STIM2: variants seen among roughly 807,000 people sequenced by gnomAD.
STIM2 encodes the protein stromal interaction molecule 2.
A neutral mutation model predicts 85.8 loss-of-function variants in STIM2; 31 were observed. That is an observed-to-expected ratio of 0.36 (90% CI 0.27 to 0.49). STIM2 has a LOEUF of 0.49. Ranked by LOEUF, STIM2 falls within the 20% of genes least tolerant of loss-of-function variation. The pLI is 0.98. For missense variants in STIM2, 841 were observed against 927.6 expected (o/e 0.91, Z 1.21); for synonymous variants, 356 against 331.1 (o/e 1.08, Z -0.82).
chr4:26,930,068 G>C (rs1725148297), intron 2 of STIM2, among the ~76,000 whole-genome samples: 1 of 152,176 alleles, frequency 6.6e-6, no homozygotes, highest in South Asian at 2.1e-4. Flanking sequence ...AGCTTTTGCT[G>C]TCTAGGTCAT....
chr4:26,939,537 A>G (rs1725521119), intron 2 of STIM2, among the ~76,000 whole-genome samples: 1 of 152,214 alleles, frequency 6.6e-6, no homozygotes, highest in South Asian at 2.1e-4. Flanking sequence ...AATGTTACAA[A>G]CAATTGATAA....
Position 26,861,344 on chromosome 4 carries a change from C to A in STIM2, c.126C>A (p.Ala42=). Residue 42 remains alanine, a synonymous_variant, in exon 1 of 12, where the codon GCC becomes GCA. Coordinates refer to ENST00000467087, the MANE Select transcript of STIM2 (RefSeq NM_020860.4). Reference sequence around the variant, plus strand: ...CCGCCTCCTCTCCCGCCGCGGCGGCCGGCGATAGCCCGGCGCTCATGACAG... The same window carrying A: ...CCGCCTCCTCTCCCGCCGCGGCGGCAGGCGATAGCCCGGCGCTCATGACAG... 1 of 1,372,368 alleles carries A rather than the reference C, an allele frequency of 7.3e-7. No homozygotes were observed. The highest frequency in any genetic ancestry group is 9.4e-7 in the Non-Finnish European group (1 of 1,068,602). 85.0% of individuals were successfully genotyped at this position (1,372,368 alleles called of 1,614,324 possible). A position where few individuals can be genotyped will look rare whatever the true frequency, so the allele number is the denominator to read the frequency against.
At chr4:26,985,722 G>C (rs1445349819) in intron 3 of STIM2, among the ~76,000 whole-genome samples, 1 of 152,048 alleles carries the variant, frequency 6.6e-6, no homozygotes, top group African/African-American at 2.4e-5. Flanking sequence ...CCTGTCTCAG[G>C]ATATCAGAAG....
At chr4:26,989,355 C>A (rs554224327) in intron 3 of STIM2, among the ~76,000 whole-genome samples, 32 of 152,292 alleles carry the variant, frequency 2.1e-4, no homozygotes, top group African/African-American at 7.0e-4. Flanking sequence ...GAATCAAGGT[C>A]AAAAACTATA....
intron 2 of STIM2, among the ~76,000 whole-genome samples, chr4:26,951,151 C>T (rs1445816308): frequency 6.6e-6 from 1 of 151,916 alleles, no homozygotes; most frequent in Non-Finnish European, 1.5e-5. Context: ...AATTTTTATT[C>T]ATAATATTGC....
intron 2 of STIM2, among the ~76,000 whole-genome samples, chr4:26,920,811 G>A (rs1344400207): frequency 2.0e-5 from 3 of 152,036 alleles, no homozygotes; most frequent in African/African-American, 4.8e-5. Flanking sequence ...TTTAAATTTA[G>A]TATGTGTAAA....
At chr4:26,962,060 A>C (rs1308294825) in intron 3 of STIM2, among the ~76,000 whole-genome samples, 1 of 152,120 alleles carries the variant, frequency 6.6e-6, no homozygotes, top group African/African-American at 2.4e-5. Flanking sequence ...CTCCTTCTTT[A>C]GTTACCTGAA....
chr4:26,868,918 A>G (rs1722504305), intron 1 of STIM2, among the ~76,000 whole-genome samples: 1 of 152,192 alleles, frequency 6.6e-6, no homozygotes, highest in Non-Finnish European at 1.5e-5. Flanking sequence ...CCACATTAAG[A>G]AAGAAAAGCT....
chr4:27,019,681 G>T, intron 11 of STIM2: 3 of 318,706 alleles, frequency 9.4e-6, no homozygotes, highest in Non-Finnish European at 1.2e-5. Flanking sequence ...AATATTTACT[G>T]ATTTTTTTTT....
chr4:26,904,381 A>G (rs1443850898), intron 1 of STIM2, among the ~76,000 whole-genome samples: 1 of 152,170 alleles, frequency 6.6e-6, no homozygotes, highest in Non-Finnish European at 1.5e-5. Context: ...AATGAACATA[A>G]TTATCATTCC....
intron 1 of STIM2, among the ~76,000 whole-genome samples, chr4:26,879,006 G>A (rs1336689748): frequency 1.3e-5 from 2 of 152,288 alleles, no homozygotes; most frequent in East Asian, 1.9e-4. Context: ...GGGACACAGA[G>A]CCAAACCTTA....
intron 3 of STIM2, among the ~76,000 whole-genome samples, chr4:26,960,340 T>G (rs1726399678): frequency 6.6e-6 from 1 of 152,180 alleles, no homozygotes; most frequent in African/African-American, 2.4e-5. Context: ...ATATATGTAT[T>G]TATACAGAAA....
chr4:26,994,236 G>A (rs1211624893), intron 3 of STIM2, among the ~76,000 whole-genome samples: 3 of 151,964 alleles, frequency 2.0e-5, no homozygotes, highest in Admixed American at 6.6e-5. Context: ...CAAACATAAC[G>A]TGTCTTAAAA....
chr4:26,955,617 A>G (rs1692038314), intron 2 of STIM2, among the ~76,000 whole-genome samples: 1 of 148,366 alleles, frequency 6.7e-6, no homozygotes, highest in Non-Finnish European at 1.5e-5. Context: ...CCCCTTAAAT[A>G]TAACTTAAGG....
intron 1 of STIM2, among the ~76,000 whole-genome samples, chr4:26,878,593 CTTTT>C (rs930176947): frequency 3.9e-5 from 6 of 152,228 alleles, no homozygotes; most frequent in African/African-American, 1.4e-4. Flanking sequence ...ATCTCTTTTT[CTTTT>C]CCTTCCAGGT....
chr4:27,019,534 T>G, intron 11 of STIM2: 1 of 1,252,606 alleles, frequency 8.0e-7, no homozygotes, highest in Non-Finnish European at 1.0e-6. Context: ...CAGTTCTCAT[T>G]TCAATAGCAA....
chr4:26,944,633 A>G (rs572256628), intron 2 of STIM2, among the ~76,000 whole-genome samples: 1 of 152,354 alleles, frequency 6.6e-6, no homozygotes, highest in South Asian at 2.1e-4. Flanking sequence ...AGCTCACACT[A>G]GTATTGTAAA....
intron 1 of STIM2, among the ~76,000 whole-genome samples, chr4:26,885,672 G>C (rs796537191): frequency 4.6e-4 from 70 of 151,262 alleles, no homozygotes; most frequent in African/African-American, 1.6e-3. Context: ...TTTATGTTTT[G>C]CCTGGGTGAA....
intron 1 of STIM2, among the ~76,000 whole-genome samples, chr4:26,875,240 C>T (rs1670254632): frequency 6.6e-6 from 1 of 152,012 alleles, no homozygotes; most frequent in African/African-American, 2.4e-5. Flanking sequence ...TTGCCATATG[C>T]TATATAGTAT....
Sources: gnomAD v4.1 joint callset for allele counts (sites outside exome capture counted in the v4.1 genomes callset) on GRCh38, gnomAD v4.1.1 for gene constraint, MANE v1.5 for transcripts, NCBI Gene and HGNC (gene_info 2026-07-23, HGNC 2026-07-21) for gene names.